USP43: variants seen among roughly 807,000 people sequenced by gnomAD.
The protein encoded by USP43 is ubiquitin carboxyl-terminal hydrolase 43.
A neutral mutation model predicts 90.7 loss-of-function variants in USP43; 33 were observed. That is an observed-to-expected ratio of 0.36 (90% CI 0.28 to 0.49). The LOEUF (loss-of-function observed/expected upper bound fraction) is 0.49, where lower values mean the gene tolerates loss of function less well. Among genes scored for constraint, USP43 ranks in the 20% least tolerant of loss-of-function variants. The probability of loss-of-function intolerance (pLI) is 0.98; values close to 1 mark genes in which losing one functional copy is unlikely to be tolerated. For synonymous variants in USP43, 598 were observed against 615.8 expected (o/e 0.97, Z 0.43); for missense variants, 1,274 against 1,476.4 (o/e 0.86, Z 2.25).
intron 1 of USP43, among the ~76,000 whole-genome samples, chr17:9,654,031 A>G (rs562666394): frequency 6.6e-6 from 1 of 152,206 alleles, no homozygotes; most frequent in African/African-American, 2.4e-5. Context: ...CTACATTAAA[A>G]GGATGAGCTG....
In USP43 at chr17:9,719,628, G is replaced by A. The variant is rs149182336; in HGVS notation, c.2335+7496G>A. 7.9e-5 allele frequency among the ~76,000 whole-genome samples: 12 copies of A among 152,322 alleles called. No homozygotes were observed. The East Asian group carries it at 1.3e-3, about 17-fold the overall frequency. On this transcript the variant is annotated intron_variant, in intron 14 of 14. Coordinates refer to ENST00000285199, the MANE Select transcript of USP43 (RefSeq NM_153210.5). ...TGCCAGGTCTTGGCTCTCAGGCTCT[G>A]TAGACATACATTCCAGATTAGAGTC...
intron 2 of USP43, among the ~76,000 whole-genome samples, chr17:9,659,619 A>G (rs1457351756): frequency 2.0e-5 from 3 of 152,076 alleles, no homozygotes; most frequent in Non-Finnish European, 4.4e-5. Flanking sequence ...TGGCTGTACC[A>G]GGCAGGTCTT....
rs190042596 is a variant in USP43 at position 9,650,408 on chromosome 17, T to G, written c.504+4272T>G. On this transcript the variant is annotated intron_variant, in intron 1 of 14. Transcript: ENST00000285199. ...CTTTTAAATATTGAGTTTTTGTTGTTGTGGTGGTGGTGGAGACAGAGTCTC... is the reference window on the plus strand; with the variant it reads ...CTTTTAAATATTGAGTTTTTGTTGTGGTGGTGGTGGTGGAGACAGAGTCTC... Among the ~76,000 whole-genome samples the G allele has an allele frequency of 9.7e-4, 147 of 151,974 alleles. 1 individual carries two copies. The highest frequency in any genetic ancestry group is 3.3e-3 in the African/African-American group (137 of 41,276).
intron 2 of USP43, among the ~76,000 whole-genome samples, chr17:9,659,136 T>C (rs1296469159): frequency 6.6e-6 from 1 of 152,218 alleles, no homozygotes; most frequent in Non-Finnish European, 1.5e-5. Flanking sequence ...TAAACATATG[T>C]CTACTATACT....
At chr17:9,705,850 A>G (rs751847380) in intron 12 of USP43, among the ~76,000 whole-genome samples, 3 of 152,194 alleles carry the variant, frequency 2.0e-5, no homozygotes, top group Non-Finnish European at 4.4e-5. Flanking sequence ...CATTTTCTAC[A>G]TATGGAAGTT....
chr17:9,719,401 G>T (rs1201957631), intron 14 of USP43, among the ~76,000 whole-genome samples: 1 of 152,168 alleles, frequency 6.6e-6, no homozygotes, highest in Non-Finnish European at 1.5e-5. Flanking sequence ...GAGGCCTGGG[G>T]GAGGGATGAT....
chr17:9,725,236 C>T (rs1468350545), intron 14 of USP43, among the ~76,000 whole-genome samples: 1 of 149,420 alleles, frequency 6.7e-6, no homozygotes, highest in Non-Finnish European at 1.5e-5. Context: ...TTATAACCTT[C>T]AGGAAGAACC....
chr17:9,693,443 G>T (rs777832497), intron 9 of USP43, among the ~76,000 whole-genome samples: 2 of 152,066 alleles, frequency 1.3e-5, no homozygotes, highest in East Asian at 1.9e-4. Flanking sequence ...CTTCAAAGAT[G>T]GGGGGGACAC....
chr17:9,647,571 T>C (rs1372473230), intron 1 of USP43: 1 of 152,170 alleles, frequency 6.6e-6, no homozygotes, highest in Non-Finnish European at 1.5e-5. Context: ...CAGGAAATGT[T>C]CATTATTCTA....
intron 14 of USP43, among the ~76,000 whole-genome samples, chr17:9,720,522 C>G (rs1326692098): frequency 6.7e-6 from 1 of 150,210 alleles, no homozygotes; most frequent in Non-Finnish European, 1.5e-5. Context: ...GTGTTTCACT[C>G]TTGTTGCCCA....
intron 2 of USP43, among the ~76,000 whole-genome samples, chr17:9,666,379 G>A (rs1202053819): frequency 6.6e-6 from 1 of 152,162 alleles, no homozygotes; most frequent in Non-Finnish European, 1.5e-5. Context: ...GAACGGGTGA[G>A]GCTGGTGAGA....
At chr17:9,683,929 A>G (rs2151978046) in intron 7 of USP43, among the ~76,000 whole-genome samples, 1 of 152,314 alleles carries the variant, frequency 6.6e-6, no homozygotes, top group South Asian at 2.1e-4. Flanking sequence ...TGAGGTCAGG[A>G]GTTCGAGACC....
chr17:9,708,596 C>T (rs532301444), intron 12 of USP43, among the ~76,000 whole-genome samples: 23 of 152,222 alleles, frequency 1.5e-4, no homozygotes, highest in African/African-American at 3.6e-4. Flanking sequence ...CTGTGGCCCA[C>T]GGGCCGGATC....
intron 8 of USP43, among the ~76,000 whole-genome samples, chr17:9,690,074 GC>G (rs1386519841): frequency 2.0e-5 from 3 of 152,096 alleles, no homozygotes; most frequent in Non-Finnish European, 4.4e-5. Flanking sequence ...ACCCCCTGCA[GC>G]CCAGTTCCAG....
intron 6 of USP43, among the ~76,000 whole-genome samples, chr17:9,681,307 TAAATATATATAAATATATATATAAATAA>T: frequency 9.0e-6 from 1 of 110,576 alleles, no homozygotes; most frequent in Non-Finnish European, 1.7e-5. Context: ...ATAATATAGA[TAAATATATATAAATATATATATAAATAA>T]ATATATATAT....
intron 2 of USP43, 133 bp downstream of exon 2, chr17:9,656,667 G>A (rs542900155): frequency 5.2e-5 from 60 of 1,162,442 alleles, no homozygotes; most frequent in African/African-American, 3.3e-4. Context: ...TATATCCACA[G>A]TCTGTTCCCT....
At chr17:9,681,168 A>G in intron 6 of USP43, among the ~76,000 whole-genome samples, 1 of 63,722 alleles carries the variant, frequency 1.6e-5, no homozygotes, top group Non-Finnish European at 2.5e-5. Context: ...ACTATATAAT[A>G]TATACTATAT....
At chr17:9,652,367 T>G (rs1911928500) in intron 1 of USP43, among the ~76,000 whole-genome samples, 1 of 151,380 alleles carries the variant, frequency 6.6e-6, no homozygotes, top group African/African-American at 2.4e-5. Context: ...TTTTTTTTTT[T>G]CCTTCTTTTT....
intron 14 of USP43, 66 bp from the exon 15 acceptor site, chr17:9,727,888 C>A: frequency 1.3e-6 from 2 of 1,520,982 alleles, no homozygotes; most frequent in Admixed American, 2.0e-5. Context: ...GCTCAGTGAA[C>A]GTTAGATGAC....
Sources: gnomAD v4.1 joint callset for allele counts (sites outside exome capture counted in the v4.1 genomes callset) on GRCh38, gnomAD v4.1.1 for gene constraint, MANE v1.5 for transcripts, NCBI Gene and HGNC (gene_info 2026-07-23, HGNC 2026-07-21) for gene names.